The following INSC variants were observed in gnomAD, a reference collection of about 807,000 sequenced individuals.
INSC encodes the protein INSC spindle orientation adaptor protein, also known as protein inscuteable homolog.
In INSC, 67 loss-of-function variants were observed where a neutral mutation model predicts 58.6. The observed-to-expected ratio is 1.14, with a 90% CI of 0.94 to 1.40. The LOEUF (loss-of-function observed/expected upper bound fraction) is 1.40, where lower values mean the gene tolerates loss of function less well. Among genes scored for constraint, INSC ranks in the 40% most tolerant of loss-of-function variants. INSC has a pLI of 0.00. For missense variants in INSC, 714 were observed against 692.0 expected (o/e 1.03, Z -0.36); for synonymous variants, 262 against 276.1 (o/e 0.95, Z 0.51).
intron 5 of INSC, among the ~76,000 whole-genome samples, chr11:15,186,079 A>G (rs1849954871): frequency 1.3e-5 from 2 of 152,152 alleles, no homozygotes; most frequent in South Asian, 2.1e-4. Flanking sequence ...TGGTTTCCAC[A>G]CTTGCTGCAT....
intron 7 of INSC, among the ~76,000 whole-genome samples, chr11:15,215,395 C>T (rs1260738005): frequency 6.6e-6 from 1 of 152,194 alleles, no homozygotes; most frequent in Non-Finnish European, 1.5e-5. Flanking sequence ...CAGCTGGCCT[C>T]AGGGTGGGCT....
At chr11:15,232,592 G>A (rs1540141) in intron 9 of INSC, among the ~76,000 whole-genome samples, 99,996 of 151,952 alleles carry the variant, frequency 0.66, 33,351 homozygotes, top group East Asian at 0.96. Context: ...AGGGCCCCCA[G>A]GGATGTCCAC....
At chr11:15,261,820 T>C in the INSC span, among the ~76,000 whole-genome samples, 1 of 152,150 alleles carries the variant, frequency 6.6e-6, no homozygotes, top group East Asian at 1.9e-4. Context: ...AAAAATCAAG[T>C]GCACTCAGGG....
intron 1 of INSC, among the ~76,000 whole-genome samples, chr11:15,129,408 C>G (rs1024195989): frequency 3.9e-5 from 6 of 152,248 alleles, no homozygotes; most frequent in Non-Finnish European, 7.4e-5. Flanking sequence ...TTCAACTTGT[C>G]AAGTTCTAGA....
intron 2 of INSC, among the ~76,000 whole-genome samples, chr11:15,163,094 G>C (rs1202799152): frequency 6.6e-6 from 1 of 152,114 alleles, no homozygotes; most frequent in East Asian, 1.9e-4. Context: ...TCTGTCATCA[G>C]AGCTGAGAAT....
At chr11:15,215,751 A>G (rs188443723) in intron 7 of INSC, among the ~76,000 whole-genome samples, 24 of 152,286 alleles carry the variant, frequency 1.6e-4, no homozygotes, top group African/African-American at 5.3e-4. Context: ...AGAAGAGACC[A>G]TCTAACTTGA....
At chr11:15,260,508 TTATC>T in the INSC span, among the ~76,000 whole-genome samples, 1 of 152,188 alleles carries the variant, frequency 6.6e-6, no homozygotes, top group African/African-American at 2.4e-5. Flanking sequence ...TCTCTGTACT[TTATC>T]TATGAAATGA....
At chr11:15,232,090 A>G (rs1398617291) in intron 9 of INSC, among the ~76,000 whole-genome samples, 1 of 152,180 alleles carries the variant, frequency 6.6e-6, no homozygotes, top group African/African-American at 2.4e-5. Context: ...CTCAATTTTC[A>G]TGTCTTTGGA....
chr11:15,120,529 G>C (rs1847844947), intron 1 of INSC, among the ~76,000 whole-genome samples: 1 of 152,226 alleles, frequency 6.6e-6, no homozygotes. Flanking sequence ...TGTAGGTAGA[G>C]AGACCAGCAC....
At chr11:15,166,299 C>A (rs1849194329) in intron 2 of INSC, among the ~76,000 whole-genome samples, 1 of 152,134 alleles carries the variant, frequency 6.6e-6, no homozygotes, top group Non-Finnish European at 1.5e-5. Context: ...TAAGCTCTAC[C>A]CAACCAGAGC....
chr11:15,211,832 A>T (rs1386236822), intron 7 of INSC, among the ~76,000 whole-genome samples: 1 of 151,614 alleles, frequency 6.6e-6, no homozygotes, highest in African/African-American at 2.4e-5. Flanking sequence ...TTAAATAGTG[A>T]TACATGCATG....
chr11:15,165,039 G>T (rs1021721041), intron 2 of INSC, among the ~76,000 whole-genome samples: 3 of 152,132 alleles, frequency 2.0e-5, no homozygotes, highest in African/African-American at 7.2e-5. Flanking sequence ...CATGAAAATG[G>T]TCTAATACAT....
chr11:15,135,636 C>A (rs570503958), intron 1 of INSC, among the ~76,000 whole-genome samples: 1 of 152,334 alleles, frequency 6.6e-6, no homozygotes, highest in East Asian at 1.9e-4. Context: ...CTACTTTGGT[C>A]ACATAGGATG....
rs763681856 is a variant in INSC at position 15,190,784 on chromosome 11, G to C, written c.663G>C (p.Glu221Asp). The C allele has an allele frequency of 3.8e-5, 61 of 1,613,706 alleles. No individual in the cohort carries two copies. Among genetic ancestry groups the C allele is most frequent in the South Asian group, 6.6e-5 (6 of 91,074 alleles). The stretch of plus-strand genomic sequence containing the variant: ...GGAACCTGTTCAGCCTGACCCAGGA[G>C]GGGGCTCCCTTGTGCCGCATCATAG... Reference protein sequence around the residue: ...TTGNLFSLTQEGAPLCRIIAK... With the variant: ...TTGNLFSLTQDGAPLCRIIAK... The change falls in exon 6 of 13, where the codon GAG becomes GAC. Residue 221 changes from glutamate (E) to aspartate (D), a missense_variant. By Grantham distance (45) the Glu-to-Asp change is conservative. Transcript: ENST00000379556.
chr11:15,211,242 T>G (rs1457387078), intron 7 of INSC, among the ~76,000 whole-genome samples: 1 of 152,226 alleles, frequency 6.6e-6, no homozygotes, highest in African/African-American at 2.4e-5. Context: ...GTGACCAACT[T>G]GAGTGTACCG....
intron 1 of INSC, among the ~76,000 whole-genome samples, chr11:15,129,746 A>G (rs1287401102): frequency 2.6e-5 from 4 of 152,206 alleles, no homozygotes; most frequent in Non-Finnish European, 5.9e-5. Flanking sequence ...AAAACCTTAT[A>G]TCAATTAAAA....
intron 2 of INSC, among the ~76,000 whole-genome samples, chr11:15,163,063 AG>A (rs1186829701): frequency 6.6e-6 from 1 of 152,226 alleles, no homozygotes; most frequent in African/African-American, 2.4e-5. Flanking sequence ...TTATTCTTGA[AG>A]GATTTTTGCC....
intron 7 of INSC, among the ~76,000 whole-genome samples, chr11:15,211,823 T>A (rs1339577455): frequency 5.9e-5 from 9 of 152,040 alleles, no homozygotes; most frequent in South Asian, 2.1e-4. Context: ...CTTTTTTTTT[T>A]AAATAGTGAT....
At chr11:15,147,788 A>G (rs1346752133) in intron 1 of INSC, among the ~76,000 whole-genome samples, 1 of 152,156 alleles carries the variant, frequency 6.6e-6, no homozygotes, top group Non-Finnish European at 1.5e-5. Context: ...GCCTCCCCAC[A>G]CTTTTCAGAC....
Sources: gnomAD v4.1 joint callset for allele counts (sites outside exome capture counted in the v4.1 genomes callset) on GRCh38, gnomAD v4.1.1 for gene constraint, MANE v1.5 for transcripts, NCBI Gene and HGNC (gene_info 2026-07-23, HGNC 2026-07-21) for gene names.